SDK1: variants seen among roughly 807,000 people sequenced by gnomAD.
The protein encoded by SDK1 is protein sidekick-1.
SDK1 carries 157 observed loss-of-function variants against 245.5 expected under a neutral mutation model. That is an observed-to-expected ratio of 0.64 (90% CI 0.56 to 0.73). The LOEUF (loss-of-function observed/expected upper bound fraction) is 0.73, where lower values mean the gene tolerates loss of function less well. Among genes scored for constraint, SDK1 ranks in the 30% least tolerant of loss-of-function variants. The probability of loss-of-function intolerance (pLI) is 0.00; values close to 1 mark genes in which losing one functional copy is unlikely to be tolerated. For missense variants in SDK1, 3,583 were observed against 3,002.3 expected, an observed-to-expected ratio of 1.19 and a Z score of -4.52; for synonymous variants, 1,647 against 1,278.5, an observed-to-expected ratio of 1.29 and a Z score of -6.15.
chr7:3,542,403 C>T (rs543337809), intron 1 of SDK1, among the ~76,000 whole-genome samples: 3 of 152,316 alleles, frequency 2.0e-5, no homozygotes, highest in South Asian at 4.1e-4. Context: ...TTGCTTTACA[C>T]CTGCATAGCT....
chr7:3,634,793 C>A (rs1185354454), intron 2 of SDK1, among the ~76,000 whole-genome samples: 4 of 152,178 alleles, frequency 2.6e-5, no homozygotes, highest in African/African-American at 9.6e-5. Context: ...TGGTACAAAA[C>A]AGCATATGCT....
intron 1 of SDK1, among the ~76,000 whole-genome samples, chr7:3,302,932 T>C (rs375590543): frequency 3.4e-4 from 52 of 151,622 alleles, no homozygotes; most frequent in African/African-American, 1.2e-3. Flanking sequence ...ATGATTTATG[T>C]GTAGTAACAT....
At chr7:4,187,224 G>T (rs1362083005) in intron 35 of SDK1, among the ~76,000 whole-genome samples, 2 of 152,078 alleles carry the variant, frequency 1.3e-5, no homozygotes, top group Non-Finnish European at 2.9e-5. Flanking sequence ...CCATGTGGGG[G>T]TAAACCTCCA....
intron 38 of SDK1, among the ~76,000 whole-genome samples, chr7:4,217,521 G>A (rs1320041445): frequency 1.8e-4 from 24 of 131,286 alleles, no homozygotes; most frequent in South Asian, 2.6e-4. Context: ...CACACCACCC[G>A]GAGCACCACA....
At chr7:3,704,061 T>A (rs1211939737) in intron 4 of SDK1, among the ~76,000 whole-genome samples, 1 of 152,130 alleles carries the variant, frequency 6.6e-6, no homozygotes, top group Non-Finnish European at 1.5e-5. Context: ...CCTTTCTGAG[T>A]TCCCATAGTC....
At chr7:3,748,807 A>G (rs773961510) in intron 4 of SDK1, among the ~76,000 whole-genome samples, 27 of 152,342 alleles carry the variant, frequency 1.8e-4, no homozygotes, top group Non-Finnish European at 3.4e-4. Flanking sequence ...ATTACTATAC[A>G]TAAATCCAAG....
At chr7:4,247,334 C>A (rs12701504) in intron 44 of SDK1, among the ~76,000 whole-genome samples, 1 of 152,050 alleles carries the variant, frequency 6.6e-6, no homozygotes, top group Non-Finnish European at 1.5e-5. Flanking sequence ...CAGAGGATGC[C>A]GGGTTTGCTG....
chr7:3,686,687 T>A (rs959509936), intron 4 of SDK1, among the ~76,000 whole-genome samples: 3 of 152,158 alleles, frequency 2.0e-5, no homozygotes, highest in African/African-American at 7.2e-5. Context: ...AAGCTACGAC[T>A]CTGTTGCTGA....
At chr7:3,942,490 A>G (rs1460503875) in intron 5 of SDK1, among the ~76,000 whole-genome samples, 3 of 152,230 alleles carry the variant, frequency 2.0e-5, no homozygotes, top group Non-Finnish European at 4.4e-5. Flanking sequence ...ATCAAAAAAT[A>G]CTATGATAGG....
At chr7:4,106,630 C>A (rs1056019427) in intron 22 of SDK1, among the ~76,000 whole-genome samples, 3 of 152,212 alleles carry the variant, frequency 2.0e-5, no homozygotes, top group Non-Finnish European at 4.4e-5. Flanking sequence ...GGTTTCCCAG[C>A]ATCTCTGCAG....
chr7:4,135,620 A>G (rs182665562), intron 28 of SDK1, among the ~76,000 whole-genome samples: 2 of 152,202 alleles, frequency 1.3e-5, no homozygotes, highest in African/African-American at 2.4e-5. Flanking sequence ...ATCTCAGCCT[A>G]TGCTTATTAG....
At chr7:3,943,313 C>A (rs1216882050) in intron 5 of SDK1, among the ~76,000 whole-genome samples, 1 of 147,872 alleles carries the variant, frequency 6.8e-6, no homozygotes, top group Non-Finnish European at 1.5e-5. Flanking sequence ...GACTTCCCGC[C>A]TTCCCACCAG....
At chr7:3,331,737 A>C (rs1780073997) in intron 1 of SDK1, among the ~76,000 whole-genome samples, 1 of 152,002 alleles carries the variant, frequency 6.6e-6, no homozygotes, top group African/African-American at 2.4e-5. Context: ...AAGATTGGAC[A>C]CAGTCAACAT....
At chr7:3,726,577 A>G (rs1474389050) in intron 4 of SDK1, among the ~76,000 whole-genome samples, 1 of 152,178 alleles carries the variant, frequency 6.6e-6, no homozygotes, top group Non-Finnish European at 1.5e-5. Context: ...ATTGTTACTG[A>G]TTTTATTCTT....
intron 1 of SDK1, among the ~76,000 whole-genome samples, chr7:3,456,383 C>T (rs1169007940): frequency 6.6e-6 from 1 of 152,168 alleles, no homozygotes; most frequent in African/African-American, 2.4e-5. Context: ...ATTACAGGCT[C>T]TGAGGTTCAG....
chr7:3,846,523 C>T (rs1244483230), intron 5 of SDK1, among the ~76,000 whole-genome samples: 2 of 152,212 alleles, frequency 1.3e-5, no homozygotes, highest in Non-Finnish European at 2.9e-5. Flanking sequence ...CTGCACACCT[C>T]ACTCTCAACA....
intron 4 of SDK1, among the ~76,000 whole-genome samples, chr7:3,802,261 C>G (rs1053138540): frequency 6.6e-6 from 1 of 152,110 alleles, no homozygotes; most frequent in African/African-American, 2.4e-5. Flanking sequence ...GCTGGTCTCA[C>G]GCCTGTAATC....
intron 1 of SDK1, among the ~76,000 whole-genome samples, chr7:3,588,985 G>A (rs1376718188): frequency 6.6e-6 from 1 of 152,178 alleles, no homozygotes; most frequent in Non-Finnish European, 1.5e-5. Context: ...TCTTGACATG[G>A]AGCAGTGAAT....
chr7:3,863,079 G>T (rs902689963), intron 5 of SDK1, among the ~76,000 whole-genome samples: 2 of 152,122 alleles, frequency 1.3e-5, no homozygotes, highest in African/African-American at 4.8e-5. Context: ...TGGAGGGTGG[G>T]GACCCCTGCC....
Sources: gnomAD v4.1 joint callset for allele counts (sites outside exome capture counted in the v4.1 genomes callset) on GRCh38, gnomAD v4.1.1 for gene constraint, MANE v1.5 for transcripts, NCBI Gene and HGNC (gene_info 2026-07-23, HGNC 2026-07-21) for gene names.